GZMM: variants seen among roughly 807,000 people sequenced by gnomAD.
The protein encoded by GZMM is granzyme M.
GZMM carries 23 observed loss-of-function variants against 19.2 expected under a neutral mutation model. The observed-to-expected ratio is 1.20, with a 90% CI of 0.86 to 1.69. The LOEUF is 1.69. Among genes scored for constraint, GZMM ranks in the 40% most tolerant of loss-of-function variants. GZMM has a pLI of 0.00. For synonymous variants in GZMM, 178 were observed against 160.2 expected, an observed-to-expected ratio of 1.11 and a Z score of -0.84; for missense variants, 373 against 352.2, an observed-to-expected ratio of 1.06 and a Z score of -0.47.
chr19:545,204 A>G (rs116387376), intron 1 of GZMM, among the ~76,000 whole-genome samples: 2 of 149,522 alleles, frequency 1.3e-5, no homozygotes, highest in African/African-American at 4.9e-5. Context: ...CAGGCCAGGC[A>G]TGAGACTGTG....
rs1454849072 is a variant in GZMM, at chr19:549,155, G to T, written c.582G>T (p.Ala194=). ...TCTCCCCCAGCATGGTCTGCCTGGC[G>T]GCCGACTCCAAGGACCAGGCTCCCT... is the stretch of plus-strand genomic sequence containing the variant. ...GSLSPSMVCL[A]ADSKDQAPCK... The change falls in exon 4 of 5, where the codon GCG becomes GCT. Residue 194 remains alanine (A), a synonymous_variant. Transcript: ENST00000264553. 2 of 1,577,996 alleles carry T rather than the reference G, an allele frequency of 1.3e-6. No homozygotes were observed. Among genetic ancestry groups the T allele is most frequent in the Non-Finnish European group, 1.7e-6 (2 of 1,162,830 alleles).
chr19:549,158 C>T lies in GZMM; in HGVS notation c.585C>T (p.Ala195=), dbSNP rs11672721. 14 of 1,577,530 alleles carry T rather than the reference C, an allele frequency of 8.9e-6. No individual in the cohort carries two copies. The highest frequency in any genetic ancestry group is 1.7e-4 in the Middle Eastern group (1 of 5,972). ...CCCCCAGCATGGTCTGCCTGGCGGC[C>T]GACTCCAAGGACCAGGCTCCCTGCA... The part of the protein sequence containing the change: ...SLSPSMVCLA[A]DSKDQAPCKG... The change falls in exon 4 of 5, where the codon GCC becomes GCT. Residue 195 remains alanine, a synonymous_variant. Transcript: ENST00000264553.
At position 549,705 on chromosome 19, in the gene GZMM, T is replaced by C. The variant is rs558079813; in HGVS notation, c.688T>C (p.Cys230Arg). ...ARVLSFSSRV[C>R]TDIFKPPVAT... The stretch of plus-strand genomic sequence containing the variant: ...AGTCCTGTCCTTCAGCTCCAGGGTC[T>C]GCACTGACATCTTCAAGCCTCCCGT... Residue 230 changes from cysteine (C) to arginine (R), a missense_variant, in exon 5 of 5, where the codon TGC (cysteine) becomes CGC (arginine). Transcript: ENST00000264553. 3.7e-6 allele frequency: 6 copies of C among 1,613,804 alleles called. No individual in the cohort carries two copies. Among genetic ancestry groups the C allele is most frequent in the South Asian group, 2.2e-5 (2 of 91,086 alleles).
chr19:544,783 C>T (rs1292863214), intron 1 of GZMM, among the ~76,000 whole-genome samples: 12 of 137,620 alleles, frequency 8.7e-5, no homozygotes, highest in Admixed American at 3.6e-4. Context: ...ATCATTCCTC[C>T]TTCCATTCTT....
intron 1 of GZMM, among the ~76,000 whole-genome samples, chr19:546,250 C>A (rs1048997671): frequency 1.5e-4 from 23 of 152,172 alleles, no homozygotes; most frequent in Middle Eastern, 3.4e-3. Context: ...TTAAAGACTA[C>A]ATTTCTTGCT....
At chr19:546,164 T>G (rs1384233582) in intron 1 of GZMM, among the ~76,000 whole-genome samples, 1 of 152,250 alleles carries the variant, frequency 6.6e-6, no homozygotes, top group East Asian at 1.9e-4. Flanking sequence ...AAATCAATCC[T>G]TTTATATTTA....
chr19:549,907 T>A lies in GZMM; in HGVS notation c.*116T>A. 1 of 803,892 alleles carries A rather than the reference T, an allele frequency of 1.2e-6. No individual in the cohort carries two copies. The highest frequency in any genetic ancestry group is 2.0e-6 in the Non-Finnish European group (1 of 510,796). The allele number at this position is 803,892 out of a possible 1,614,324, so 49.8% of individuals were successfully genotyped here. On this transcript the variant is annotated 3_prime_UTR_variant, in exon 5 of 5. Transcript: ENST00000264553. ...ACAGGGAGGGACCAATAAATCATAA[T>A]GAAGAAACGCTCAGAGCCCGCCTGA...
Position 544,183 on chromosome 19 carries a change from C to G in GZMM, c.55+57C>G, listed in dbSNP as rs1431187382. Reference sequence around the variant, plus strand: ...TGAGGCCCAGCGCTCTCGGTGGGTCCCTGGATGGGAGGGGTGGGCGCGGGC... The same window carrying G: ...TGAGGCCCAGCGCTCTCGGTGGGTCGCTGGATGGGAGGGGTGGGCGCGGGC... On this transcript the variant is annotated intron_variant, in intron 1 of 4. Coordinates refer to ENST00000264553, the MANE Select transcript of GZMM (RefSeq NM_005317.4). The G allele has an allele frequency of 1.2e-5, 18 of 1,450,172 alleles. No individual in the cohort carries two copies. In the East Asian group the frequency reaches 1.5e-4, roughly 12 times the overall value. 89.8% of individuals were successfully genotyped at this position (1,450,172 alleles called of 1,614,324 possible).
At chr19:549,229 A>C (rs1339268582) in intron 4 of GZMM, 44 bp downstream of exon 4, 7 of 1,518,634 alleles carry the variant, frequency 4.6e-6, no homozygotes, top group Non-Finnish European at 5.3e-6. Context: ...GGCTGGCGGG[A>C]GGGCCGGGGC....
Position 549,516 on chromosome 19 carries a change from G to T in GZMM, c.613-114G>T. The T allele has an allele frequency of 2.7e-6, 3 of 1,119,056 alleles. 1 individual carries two copies. The highest frequency in any genetic ancestry group is 1.5e-5 in the South Asian group (1 of 64,784). 69.3% of individuals were successfully genotyped at this position (1,119,056 alleles called of 1,614,324 possible). A position where few individuals can be genotyped will look rare whatever the true frequency, so the allele number is the denominator to read the frequency against. On this transcript the variant is annotated intron_variant, in intron 4 of 4. Transcript: ENST00000264553. ...CACGCGTGGGCCGGGAGCAGCCCCT[G>T]TGTCTCCTTGAGCCTGGGGATAACA... is the stretch of plus-strand genomic sequence containing the variant.
At chr19:545,639 G>A (rs28666917) in intron 1 of GZMM, among the ~76,000 whole-genome samples, 10,412 of 126,884 alleles carry the variant, frequency 0.082, 413 homozygotes, top group Middle Eastern at 0.2. Flanking sequence ...GAGCCACCGC[G>A]CCCGGCCTAT....
Position 548,980 on chromosome 19 carries a change from G to A in GZMM, c.407G>A (p.Arg136His), listed in dbSNP as rs760597103. 2.6e-5 allele frequency: 41 copies of A among 1,603,422 alleles called. No homozygotes were observed. Among genetic ancestry groups the A allele is most frequent in the Middle Eastern group, 1.8e-4 (1 of 5,550 alleles). Residue 136 changes from arginine to histidine, a missense_variant, in exon 4 of 5, where the codon CGC becomes CAC. Physicochemically the swap from Arg to His is conservative, Grantham distance 29. Coordinates refer to ENST00000264553, the MANE Select transcript of GZMM (RefSeq NM_005317.4). Reference sequence around the variant, plus strand: ...CGGCCGTTGGCCCTGCCCAGTAAGCGCCAGGTGGTGGCAGCAGGGACTCGG... The same window carrying A: ...CGGCCGTTGGCCCTGCCCAGTAAGCACCAGGTGGTGGCAGCAGGGACTCGG... ...TIRPLALPSK[R>H]QVVAAGTRCS...
chr19:549,247 G>C, intron 4 of GZMM, 62 bp downstream of exon 4: 1 of 1,472,560 alleles, frequency 6.8e-7, no homozygotes. Flanking sequence ...GGCCAGGGCA[G>C]CCGCCGGGCA....
chr19:548,620 C>T lies in GZMM; in HGVS notation c.291C>T (p.Ile97=), dbSNP rs769489014. ...TCACCTTCCACATCAAGGCAGCCATCCAGCACCCTCGCTACAAGCCCGTCC... is the reference window on the plus strand; with the variant it reads ...TCACCTTCCACATCAAGGCAGCCATTCAGCACCCTCGCTACAAGCCCGTCC... ...PGLTFHIKAA[I]QHPRYKPVPA... The change falls in exon 3 of 5, where the codon ATC becomes ATT. Residue 97 remains isoleucine (I), a synonymous_variant. Coordinates refer to ENST00000264553, the MANE Select transcript of GZMM (RefSeq NM_005317.4). 2 of 1,613,554 alleles carry T rather than the reference C, an allele frequency of 1.2e-6. No individual in the cohort carries two copies. The highest frequency in any genetic ancestry group is 8.5e-7 in the Non-Finnish European group (1 of 1,179,758).
chr19:544,897 C>T (rs1028041466), intron 1 of GZMM, among the ~76,000 whole-genome samples: 1 of 135,970 alleles, frequency 7.4e-6, no homozygotes, highest in Non-Finnish European at 1.6e-5. Flanking sequence ...TCCATCCACC[C>T]ATCATTCCTC....
At chr19:545,508 G>A (rs549083683) in intron 1 of GZMM, among the ~76,000 whole-genome samples, 2 of 149,534 alleles carry the variant, frequency 1.3e-5, no homozygotes, top group Non-Finnish European at 3.0e-5. Flanking sequence ...CCACCATGCC[G>A]GGCTAATTTT....
intron 1 of GZMM, 25 bp downstream of exon 1, chr19:544,151 G>GA: frequency 6.5e-7 from 1 of 1,541,946 alleles, no homozygotes; most frequent in Non-Finnish European, 8.8e-7. Flanking sequence ...GGATGCAGGG[G>GA]GGACACTGAG....
chr19:545,500 A>C (rs545564483), intron 1 of GZMM, among the ~76,000 whole-genome samples: 1 of 152,164 alleles, frequency 6.6e-6, no homozygotes, highest in South Asian at 2.1e-4. Context: ...GGCGCCTGCC[A>C]CCATGCCGGG....
chr19:549,331 G>T, intron 4 of GZMM, 146 bp downstream of exon 4: 1 of 873,420 alleles, frequency 1.1e-6, no homozygotes, highest in Non-Finnish European at 1.7e-6. Flanking sequence ...CAGGGGTCCC[G>T]TTTCTCAGGT....
Sources: gnomAD v4.1 joint callset for allele counts (sites outside exome capture counted in the v4.1 genomes callset) on GRCh38, gnomAD v4.1.1 for gene constraint, MANE v1.5 for transcripts, NCBI Gene and HGNC (gene_info 2026-07-23, HGNC 2026-07-21) for gene names.